The following ROBO1 variants were observed in gnomAD, a reference collection of about 807,000 sequenced individuals.
ROBO1 encodes the protein roundabout guidance receptor 1.
A neutral mutation model predicts 195.9 loss-of-function variants in ROBO1; 149 were observed. The ratio of observed to expected loss-of-function variants is 0.76; its 90% confidence interval spans 0.67 to 0.87. ROBO1 has a LOEUF of 0.87. ROBO1 is among the 40% of genes least tolerant of loss of function. The probability of loss-of-function intolerance (pLI) is 0.00; values close to 1 mark genes in which losing one functional copy is unlikely to be tolerated. For synonymous variants in ROBO1, 816 were observed against 733.2 expected, an observed-to-expected ratio of 1.11 and a Z score of -1.82; for missense variants, 1,933 against 2,068.3, an observed-to-expected ratio of 0.93 and a Z score of 1.27.
intron 4 of ROBO1, among the ~76,000 whole-genome samples, chr3:78,768,469 G>GA (rs960129424): frequency 3.3e-5 from 5 of 151,044 alleles, no homozygotes; most frequent in Non-Finnish European, 4.4e-5. Flanking sequence ...GACAGAAAAA[G>GA]AAAAAAAATA....
intron 3 of ROBO1, among the ~76,000 whole-genome samples, chr3:79,015,743 T>G (rs1336963360): frequency 6.6e-6 from 1 of 152,242 alleles, no homozygotes; most frequent in Non-Finnish European, 1.5e-5. Flanking sequence ...GAAAGGTTAT[T>G]TTTTGTAGCA....
At chr3:79,222,171 T>C (rs2082152219) in intron 2 of ROBO1, among the ~76,000 whole-genome samples, 1 of 152,054 alleles carries the variant, frequency 6.6e-6, no homozygotes, top group African/African-American at 2.4e-5. Context: ...ATCATAAACA[T>C]TATCTTATTT....
At chr3:79,326,380 C>T (rs2034215161) in intron 2 of ROBO1, among the ~76,000 whole-genome samples, 1 of 152,132 alleles carries the variant, frequency 6.6e-6, no homozygotes, top group African/African-American at 2.4e-5. Context: ...AACCTGCCGA[C>T]ATGTGATGTC....
chr3:78,801,707 C>A (rs928715218), intron 4 of ROBO1, among the ~76,000 whole-genome samples: 2 of 151,984 alleles, frequency 1.3e-5, no homozygotes, highest in African/African-American at 4.8e-5. Flanking sequence ...ATTTGTTTAA[C>A]AAATAAGTGT....
chr3:79,052,243 C>A (rs1165260483), intron 3 of ROBO1, among the ~76,000 whole-genome samples: 1 of 152,062 alleles, frequency 6.6e-6, no homozygotes, highest in Non-Finnish European at 1.5e-5. Context: ...TTGTCTTATG[C>A]AGTTGAAAAT....
chr3:79,295,688 A>T, intron 2 of ROBO1, among the ~76,000 whole-genome samples: 1 of 151,498 alleles, frequency 6.6e-6, no homozygotes, highest in African/African-American at 2.4e-5. Flanking sequence ...ACCTTGCTTT[A>T]AAAAAAAATC....
intron 2 of ROBO1, among the ~76,000 whole-genome samples, chr3:79,546,978 A>G (rs951629037): frequency 6.6e-6 from 1 of 151,910 alleles, no homozygotes; most frequent in South Asian, 2.1e-4. Flanking sequence ...TCAGGAGATC[A>G]AGACCATCTT....
At chr3:79,481,396 C>T (rs1484738033) in intron 2 of ROBO1, among the ~76,000 whole-genome samples, 1 of 152,022 alleles carries the variant, frequency 6.6e-6, no homozygotes, top group Non-Finnish European at 1.5e-5. Flanking sequence ...GGTATAAGTG[C>T]ACAATTTATC....
chr3:79,430,831 A>G (rs993534192), intron 2 of ROBO1, among the ~76,000 whole-genome samples: 3 of 152,138 alleles, frequency 2.0e-5, no homozygotes, highest in Middle Eastern at 3.2e-3. Context: ...TAATCAAATA[A>G]GTTATTGATG....
chr3:78,727,256 G>T (rs534415750), intron 5 of ROBO1, among the ~76,000 whole-genome samples: 99 of 151,884 alleles, frequency 6.5e-4, no homozygotes, highest in Middle Eastern at 6.9e-3. Flanking sequence ...TAATATAAAA[G>T]AAAATACAGT....
At chr3:79,569,197 TCG>T (rs1241271587) in intron 2 of ROBO1, among the ~76,000 whole-genome samples, 1 of 152,240 alleles carries the variant, frequency 6.6e-6, no homozygotes, top group Admixed American at 6.5e-5. Context: ...TTGATTTCTC[TCG>T]CTGACAATTT....
intron 1 of ROBO1, among the ~76,000 whole-genome samples, chr3:79,655,211 A>T (rs748835986): frequency 1.3e-5 from 2 of 152,100 alleles, no homozygotes; most frequent in Admixed American, 6.6e-5. Flanking sequence ...GATCAAAAAT[A>T]TAAATGACAT....
intron 2 of ROBO1, among the ~76,000 whole-genome samples, chr3:79,245,868 C>T (rs2082616374): frequency 6.6e-6 from 1 of 151,914 alleles, no homozygotes; most frequent in African/African-American, 2.4e-5. Flanking sequence ...TAATATGTTC[C>T]CTATGGAGCA....
chr3:78,861,370 C>T (rs2034826329), intron 4 of ROBO1, among the ~76,000 whole-genome samples: 1 of 152,144 alleles, frequency 6.6e-6, no homozygotes, highest in Admixed American at 6.5e-5. Context: ...TTCTAATACG[C>T]CTTCTGCACA....
chr3:79,224,559 T>G (rs2082193133), intron 2 of ROBO1, among the ~76,000 whole-genome samples: 1 of 152,348 alleles, frequency 6.6e-6, no homozygotes, highest in South Asian at 2.1e-4. Flanking sequence ...AAGAGCCCAC[T>G]TTACAATGCT....
intron 2 of ROBO1, among the ~76,000 whole-genome samples, chr3:79,154,055 T>C (rs1460000583): frequency 6.6e-6 from 1 of 151,722 alleles, no homozygotes; most frequent in Non-Finnish European, 1.5e-5. Context: ...TATTTTGACT[T>C]TAACAATTTC....
intron 2 of ROBO1, among the ~76,000 whole-genome samples, chr3:79,335,692 T>C (rs924271421): frequency 6.6e-6 from 1 of 152,152 alleles, no homozygotes; most frequent in Non-Finnish European, 1.5e-5. Flanking sequence ...AATGGGCTAA[T>C]ACAGTAAATT....
chr3:79,666,202 A>C (rs1331202357), intron 1 of ROBO1, among the ~76,000 whole-genome samples: 3 of 151,956 alleles, frequency 2.0e-5, no homozygotes, highest in Admixed American at 6.6e-5. Context: ...ATTAATTTAT[A>C]CAATCTGGCT....
chr3:78,819,744 G>A (rs759247795), intron 4 of ROBO1, among the ~76,000 whole-genome samples: 15 of 152,098 alleles, frequency 9.9e-5, no homozygotes, highest in South Asian at 4.2e-4. Flanking sequence ...TCTTAGGCCC[G>A]TCTTGATTAT....
Sources: allele counts gnomAD v4.1 joint callset (sites outside exome capture counted in the v4.1 genomes callset), GRCh38; gene constraint gnomAD v4.1.1; transcripts MANE v1.5; gene names NCBI Gene and HGNC (gene_info 2026-07-23, HGNC 2026-07-21).